The following XPO1 variants were observed in gnomAD, a reference collection of about 807,000 sequenced individuals.
XPO1 encodes exportin 1.
XPO1 carries 5 observed loss-of-function variants against 133.3 expected under a neutral mutation model. That is an observed-to-expected ratio of 0.04 (90% CI 0.02 to 0.08). The LOEUF (loss-of-function observed/expected upper bound fraction) is 0.08. Ranked by LOEUF, XPO1 falls within the 10% of genes least tolerant of loss-of-function variation. XPO1 has a pLI of 1.00. For synonymous variants in XPO1, 419 were observed against 408.2 expected (o/e 1.03, Z -0.32); for missense variants, 506 against 1,267.5 (o/e 0.40, Z 9.12).
chr2:61,497,126 C>A, intron 9 of XPO1, 119 bp from the exon 10 acceptor site: 1 of 1,277,970 alleles, frequency 7.8e-7, no homozygotes, highest in Non-Finnish European at 1.0e-6. Context: ...ATGTCAAAAA[C>A]AGGCCAAGTG....
intron 1 of XPO1, chr2:61,534,728 G>C (rs971160415): frequency 6.6e-6 from 1 of 152,104 alleles, no homozygotes; most frequent in Non-Finnish European, 1.5e-5. Flanking sequence ...TTAAAATGTG[G>C]ATATACAGTA....
chr2:61,482,823 C>T lies in XPO1; in HGVS notation c.2812+134G>A, dbSNP rs1212179124. 2.9e-6 allele frequency: 3 copies of T among 1,051,898 alleles called. No individual in the cohort carries two copies. In the Admixed American group the frequency reaches 8.6e-5, roughly 30 times the overall value. The allele number at this position is 1,051,898 out of a possible 1,614,324, so 65.2% of individuals were successfully genotyped here. A position where few individuals can be genotyped will look rare whatever the true frequency, so the allele number is the denominator to read the frequency against. On this transcript the variant is annotated intron_variant, in intron 22 of 24. Coordinates refer to ENST00000401558, the MANE Select transcript of XPO1 (RefSeq NM_003400.4). Reference sequence around the variant, plus strand: ...GGTATTTTTAGTACAGACAGTTTCACCATGGTGGCCAGGCTGTTCTCGAAC... The same window carrying T: ...GGTATTTTTAGTACAGACAGTTTCATCATGGTGGCCAGGCTGTTCTCGAAC...
chr2:61,509,636 GA>G (rs990886575), intron 4 of XPO1, among the ~76,000 whole-genome samples: 19 of 149,072 alleles, frequency 1.3e-4, no homozygotes, highest in Non-Finnish European at 2.4e-4. Flanking sequence ...CAAAAAAAAG[GA>G]AAAAAAAAGG....
At chr2:61,516,623 A>G (rs1698404602) in intron 4 of XPO1, among the ~76,000 whole-genome samples, 1 of 152,020 alleles carries the variant, frequency 6.6e-6, no homozygotes, top group South Asian at 2.1e-4. Flanking sequence ...CATGTTGGTC[A>G]GGCTGGTCTC....
chr2:61,502,262 G>A lies in XPO1; in HGVS notation c.350C>T (p.Pro117Leu), dbSNP rs2104530722. The part of the protein sequence containing the change: ...VGLIIKTSSD[P>L]TCVEKEKVYI... ...ATAAACTCTTACCTCTACACAAGTT[G>A]GGTCAGATGACGTCTTGATAATGAG... Residue 117 changes from proline to leucine, a missense_variant, in exon 5 of 25, where the codon CCA (proline) becomes CTA (leucine). By Grantham distance (98) the Pro-to-Leu change is moderately conservative. Transcript: ENST00000401558. 1.2e-6 allele frequency: 2 copies of A among 1,613,154 alleles called. No homozygotes were observed. Among genetic ancestry groups the A allele is most frequent in the Non-Finnish European group, 1.7e-6 (2 of 1,179,806 alleles).
chr2:61,529,210 A>T (rs1199901560), intron 2 of XPO1, among the ~76,000 whole-genome samples: 2 of 152,206 alleles, frequency 1.3e-5, no homozygotes, highest in African/African-American at 2.4e-5. Flanking sequence ...TCTGTCAGTT[A>T]TCTTTCTCTT....
chr2:61,492,506 A>T lies in XPO1; in HGVS notation c.1567-25T>A. The T allele has an allele frequency of 6.3e-7, 1 of 1,589,838 alleles. No individual in the cohort carries two copies. The highest frequency in any genetic ancestry group is 8.5e-7 in the Non-Finnish European group (1 of 1,171,356). On this transcript the variant is annotated intron_variant, in intron 14 of 24. Coordinates refer to ENST00000401558, the MANE Select transcript of XPO1 (RefSeq NM_003400.4). This position sits in a 1 kb window ranked among gnomAD's most constrained non-coding sequence, Gnocchi z 5.6. ...CCTGTAAATAAGACAAATTTGTATT[A>T]TTTATTGTAACAACATAATACTTAT...
intron 19 of XPO1, among the ~76,000 whole-genome samples, chr2:61,486,986 CTT>C (rs879523625): frequency 2.1e-5 from 3 of 143,000 alleles, no homozygotes; most frequent in Admixed American, 7.0e-5. Context: ...ACTTCTTGTT[CTT>C]TTTTTTTTTT....
At chr2:61,479,448 GC>G (rs770850337) in intron 24 of XPO1, among the ~76,000 whole-genome samples, 2 of 118,984 alleles carry the variant, frequency 1.7e-5, no homozygotes, top group Admixed American at 7.9e-5. Flanking sequence ...GCGAGACTGT[GC>G]CCCCCCAAAA....
Position 61,492,830 on chromosome 2 carries a change from G to A in XPO1, c.1385-82C>T, listed in dbSNP as rs770461988. On this transcript the variant is annotated intron_variant, in intron 13 of 24. Coordinates refer to ENST00000401558, the MANE Select transcript of XPO1 (RefSeq NM_003400.4). This position sits in a 1 kb window ranked among gnomAD's most constrained non-coding sequence, Gnocchi z 5.6. ...TAACAATACATTTAGAAAATATTTA[G>A]AAACTACAAGTACATTTCCTAAAAT... 1.3e-6 allele frequency: 2 copies of A among 1,557,340 alleles called. No homozygotes were observed. Among genetic ancestry groups the A allele is most frequent in the South Asian group, 1.2e-5 (1 of 83,626 alleles).
At chr2:61,503,163 G>A (rs1697623420) in intron 4 of XPO1, among the ~76,000 whole-genome samples, 1 of 151,214 alleles carries the variant, frequency 6.6e-6, no homozygotes, top group South Asian at 2.1e-4. Context: ...CACCATGTTG[G>A]CCAGGCTGAT....
At chr2:61,481,094 A>G (rs1420354877) in intron 24 of XPO1, 91 bp downstream of exon 24, 1 of 753,660 alleles carries the variant, frequency 1.3e-6, no homozygotes, top group South Asian at 2.3e-5. Flanking sequence ...TTTATTTGGC[A>G]TGACAAATCA....
At chr2:61,523,264 C>T (rs1190484459) in intron 3 of XPO1, among the ~76,000 whole-genome samples, 1 of 152,170 alleles carries the variant, frequency 6.6e-6, no homozygotes, top group Non-Finnish European at 1.5e-5. Flanking sequence ...GCTATTTCTA[C>T]TAATTTAAAG....
chr2:61,504,957 T>G (rs922138364), intron 4 of XPO1, among the ~76,000 whole-genome samples: 2 of 152,232 alleles, frequency 1.3e-5, no homozygotes, highest in African/African-American at 2.4e-5. Context: ...TCAATATGCA[T>G]AGTAACATTT....
chr2:61,490,302 G>C (rs1269515615), intron 17 of XPO1, among the ~76,000 whole-genome samples: 1 of 150,432 alleles, frequency 6.6e-6, no homozygotes, highest in Non-Finnish European at 1.5e-5. Context: ...GGGTTCAAGT[G>C]ATTCTCCTGC....
intron 4 of XPO1, among the ~76,000 whole-genome samples, chr2:61,507,769 T>C (rs774042855): frequency 6.6e-6 from 1 of 151,902 alleles, no homozygotes; most frequent in Non-Finnish European, 1.5e-5. Context: ...TCCCAGCTAC[T>C]CGGGAGGCTG....
rs547990215 is a variant in XPO1, at chr2:61,510,298, C to T, written c.302-7988G>A. The stretch of plus-strand genomic sequence containing the variant: ...TATCTCAAAACAAAACAAAAAAACA[C>T]ACAAAATCGATCTTTTGAAAGATGG... On this transcript the variant is annotated intron_variant, in intron 4 of 24. Transcript: ENST00000401558. Among the ~76,000 whole-genome samples the T allele has an allele frequency of 7.9e-5, 12 of 152,228 alleles. No homozygotes were observed. In the South Asian group the frequency reaches 2.5e-3, roughly 32 times the overall value.
chr2:61,532,220 C>T (rs1424313554), intron 2 of XPO1, among the ~76,000 whole-genome samples: 3 of 152,036 alleles, frequency 2.0e-5, no homozygotes, highest in Non-Finnish European at 4.4e-5. Context: ...CTCCGCCTCC[C>T]GGGTTCACGC....
intron 12 of XPO1, 119 bp from the exon 13 acceptor site, chr2:61,493,172 A>T: frequency 9.9e-7 from 1 of 1,005,986 alleles, no homozygotes; most frequent in Non-Finnish European, 1.4e-6. Flanking sequence ...ATGTGTAGGG[A>T]TTCATGCCTA....
Sources: allele counts gnomAD v4.1 joint callset (sites outside exome capture counted in the v4.1 genomes callset), GRCh38; gene constraint gnomAD v4.1.1; non-coding constraint Gnocchi (gnomAD v3.1); transcripts MANE v1.5; gene names NCBI Gene and HGNC (gene_info 2026-07-23, HGNC 2026-07-21).